Variants in NEB observed in about 807,000 individuals in gnomAD.
NEB encodes the protein nebulin, also known as nemaline myopathy type 2.
A neutral mutation model predicts 952.2 loss-of-function variants in NEB; 512 were observed. The ratio of observed to expected loss-of-function variants is 0.54; its 90% CI spans 0.50 to 0.58. The LOEUF is 0.58. Among genes scored for constraint, NEB ranks in the 20% least tolerant of loss-of-function variants. The pLI is 0.00. For synonymous variants in NEB, 2,900 were observed against 3,149.8 expected (o/e 0.92, Z 2.66); for missense variants, 8,428 against 9,231.1 (o/e 0.91, Z 3.56).
intron 3 of NEB, among the ~76,000 whole-genome samples, chr2:151,731,285 C>CT (rs778423688): frequency 6.6e-6 from 1 of 152,104 alleles, no homozygotes; most frequent in East Asian, 1.9e-4. Context: ...AAATCTCACT[C>CT]TTTTTTTAGA....
intron 29 of NEB, among the ~76,000 whole-genome samples, chr2:151,681,187 G>C (rs2099411709): frequency 6.6e-6 from 1 of 152,176 alleles, no homozygotes; most frequent in Non-Finnish European, 1.5e-5. Flanking sequence ...AAGGAGATTG[G>C]AGTGCCTTTG....
At position 151,690,759 on chromosome 2, in the gene NEB, G is replaced by GCAA; in HGVS notation, c.2275_2277dup (p.Leu759dup). 6.3e-7 allele frequency: 1 copy of GCAA among 1,598,596 alleles called. No individual in the cohort carries two copies. The highest frequency in any genetic ancestry group is 2.2e-5 in the East Asian group (1 of 44,516). ...AGCTGTTTCGTGTTGAGCTGGGCTTGCAACAGTACAGGAGAATCAGTGACT... is the reference window on the plus strand; with the variant it reads ...AGCTGTTTCGTGTTGAGCTGGGCTTGCAACAACAGTACAGGAGAATCAGTGACT... On this transcript the variant is annotated inframe_insertion, in exon 24 of 182. Coordinates refer to ENST00000397345, the MANE Select transcript of NEB (RefSeq NM_001164508.2).
In NEB at chr2:151,565,778, A is replaced by C; in HGVS notation, c.18199T>G (p.Trp6067Gly). 6.2e-7 allele frequency: 1 copy of C among 1,612,532 alleles called. No individual in the cohort carries two copies. Residue 6067 changes from tryptophan to glycine, a missense_variant, in exon 115 of 182, where the codon TGG (tryptophan) becomes GGG (glycine). Physicochemically the swap from Trp to Gly is radical, Grantham distance 184. Coordinates refer to ENST00000397345, the MANE Select transcript of NEB (RefSeq NM_001164508.2). ...ADLEWLRGIG[W>G]IPLDSVDHVR... The stretch of plus-strand genomic sequence containing the variant: ...TGGTCCACAGAATCCAGTGGGATCC[A>C]GCCAATGCCTCGGAGCCACTCCAGG...
chr2:151,519,324 C>T (rs1242388564), intron 154 of NEB, among the ~76,000 whole-genome samples: 1 of 152,162 alleles, frequency 6.6e-6, no homozygotes, highest in Non-Finnish European at 1.5e-5. Flanking sequence ...ATATATCCTA[C>T]AACATGGATG....
chr2:151,540,076 A>C (rs1335438339), intron 138 of NEB, among the ~76,000 whole-genome samples: 4 of 152,238 alleles, frequency 2.6e-5, no homozygotes, highest in Non-Finnish European at 4.4e-5. Flanking sequence ...ACTGTCAAGT[A>C]TCCCCAGAAA....
Position 151,663,699 on chromosome 2 carries a change from G to C in NEB, c.5612C>G (p.Thr1871Ser). 1 of 1,613,792 alleles carries C rather than the reference G, an allele frequency of 6.2e-7. No homozygotes were observed. The highest frequency in any genetic ancestry group is 8.5e-7 in the Non-Finnish European group (1 of 1,179,798). ...CACCACACTGAGCATGTCCACCGGG[G>C]TGTGGAAGGAGGTCTTGGATTTCTC... ...GYEKSKTSFH[T>S]PVDMLSVVAA... Residue 1871 changes from threonine to serine, a missense_variant, in exon 45 of 182, where the codon ACC becomes AGC. Around this residue, in one of 11 missense-constraint regions of NEB, gnomAD observed 2,851 missense variants for 2,791.5 expected, o/e 1.02. Transcript: ENST00000397345.
chr2:151,725,348 G>A, intron 6 of NEB, 105 bp downstream of exon 6: 1 of 866,508 alleles, frequency 1.2e-6, no homozygotes, highest in Non-Finnish European at 1.8e-6. Flanking sequence ...CTAGCTCATA[G>A]TAATTCAACT....
intron 155 of NEB, 63 bp from the exon 156 acceptor site, chr2:151,518,485 C>T (rs2079539751): frequency 9.6e-7 from 1 of 1,039,582 alleles, no homozygotes; most frequent in South Asian, 1.3e-5. Context: ...CCTATTTTTC[C>T]TCTTTAGATT....
intron 55 of NEB, among the ~76,000 whole-genome samples, chr2:151,645,816 A>C (rs1294740063): frequency 1.3e-5 from 2 of 152,162 alleles, no homozygotes; most frequent in Admixed American, 1.3e-4. Flanking sequence ...TAAGCACTGT[A>C]GATTCAATAA....
At position 151,706,092 on chromosome 2, in the gene NEB, C is replaced by G. The variant is rs1053223322; in HGVS notation, c.1152+789G>C. Among the ~76,000 whole-genome samples, 7 of 152,160 alleles carry G rather than the reference C, an allele frequency of 4.6e-5. No homozygotes were observed. In the South Asian group the frequency reaches 6.2e-4, roughly 14 times the overall value. ...AAATAAAATGTTTTTTAAAAGAAAG[C>G]AAACGTGCTTTACAGTGATTTCCCA... On this transcript the variant is annotated intron_variant, in intron 13 of 181. Transcript: ENST00000397345.
chr2:151,503,728 A>G (rs541920805), intron 165 of NEB, among the ~76,000 whole-genome samples: 24 of 152,310 alleles, frequency 1.6e-4, no homozygotes, highest in African/African-American at 5.5e-4. Flanking sequence ...GAAAAATCTA[A>G]CCATTTTGTT....
rs2099603871 is a variant in NEB at position 151,697,334 on chromosome 2, T to C, written c.1365+16A>G. On this transcript the variant is annotated intron_variant, in intron 15 of 181. Transcript: ENST00000397345. ...AAATGTTATTTGGAAAGTCAAACAA[T>C]TGTCTTAGAACTTACATCACTGTTT... The C allele has an allele frequency of 6.2e-7, 1 of 1,612,412 alleles. No individual in the cohort carries two copies. The highest frequency in any genetic ancestry group is 8.5e-7 in the Non-Finnish European group (1 of 1,178,440).
chr2:151,501,611 T>C (rs951632096), intron 167 of NEB, 128 bp from the exon 168 acceptor site: 25 of 482,120 alleles, frequency 5.2e-5, no homozygotes, highest in Middle Eastern at 6.0e-4. Context: ...TCAGTAACTT[T>C]TAAAAATAGA....
chr2:151,709,342 G>A (rs1356627708), intron 12 of NEB, among the ~76,000 whole-genome samples: 1 of 152,144 alleles, frequency 6.6e-6, no homozygotes, highest in Non-Finnish European at 1.5e-5. Context: ...AAATCAAATT[G>A]ATAAATGTAC....
At chr2:151,665,272 A>G in intron 42 of NEB, 61 bp downstream of exon 42, 2 of 1,502,358 alleles carry the variant, frequency 1.3e-6, no homozygotes, top group Non-Finnish European at 1.8e-6. Context: ...GGGCACTGCC[A>G]GGCTCAATGT....
chr2:151,502,762 A>ATTT lies in NEB; in HGVS notation c.23928+28_23928+30dup, dbSNP rs201290038. 7.7e-6 allele frequency: 8 copies of ATTT among 1,039,322 alleles called. No homozygotes were observed. The African/African-American group carries it at 1.1e-4, about 15-fold the overall frequency. The allele number at this position is 1,039,322 out of a possible 1,614,324, so 64.4% of individuals were successfully genotyped here. ...TTATTATTTTAAATAAAATTAAGGGATTTTTTTTTTTTTGGCCCCCTAAGA... is the reference window on the plus strand; with the variant it reads ...TTATTATTTTAAATAAAATTAAGGGATTTTTTTTTTTTTTTTGGCCCCCTAAGA... On this transcript the variant is annotated intron_variant, in intron 167 of 181. Coordinates refer to ENST00000397345, the MANE Select transcript of NEB (RefSeq NM_001164508.2).
chr2:151,490,375 T>G lies in NEB; in HGVS notation c.25294A>C (p.Thr8432Pro), dbSNP rs374806417. The G allele has an allele frequency of 6.3e-7, 1 of 1,588,484 alleles. No homozygotes were observed. The highest frequency in any genetic ancestry group is 1.3e-5 in the African/African-American group (1 of 74,412). ...AATCAGCGCCAGGCACTTGTACCTG[T>G]TGAGACTGCAAAGACACCCCCGTCG... ...YSDGGVFAVSTAYKHAKTTEL... is the reference protein window; with the variant it reads ...YSDGGVFAVSPAYKHAKTTEL... Residue 8432 changes from threonine to proline, a missense_variant, in exon 180 of 182, where the codon ACA (threonine) becomes CCA (proline). This residue lies in a region of NEB where 3,374 missense variants were observed against 3,651.5 expected (regional missense o/e 0.92). Coordinates refer to ENST00000397345, the MANE Select transcript of NEB (RefSeq NM_001164508.2).
intron 16 of NEB, 148 bp downstream of exon 16, chr2:151,696,999 GA>G (rs529893589): frequency 1.5e-6 from 1 of 652,106 alleles, no homozygotes; most frequent in African/African-American, 1.8e-5. Flanking sequence ...GTCAACAAGG[GA>G]AAATAGGATG....
rs2093498757 is a variant in NEB, at chr2:151,538,212, T to C, written c.20925A>G (p.Lys6975=). The C allele has an allele frequency of 4.3e-6, 7 of 1,613,020 alleles. No homozygotes were observed. The highest frequency in any genetic ancestry group is 1.7e-5 in the Admixed American group (1 of 59,996). ...CATCTTTCACCGTGTGGTATTTCCC[T>C]TTGGTCTTTTGAAATGTTTCTTTGT... ...LRYKETFQKT[K]GKYHTVKDAL... Residue 6975 remains lysine (K), a synonymous_variant, in exon 139 of 182, where the codon AAA becomes AAG. Transcript: ENST00000397345.
Sources: allele counts gnomAD v4.1 joint callset (sites outside exome capture counted in the v4.1 genomes callset), GRCh38; gene constraint gnomAD v4.1.1; regional missense constraint gnomAD v4.1.1; transcripts MANE v1.5; gene names NCBI Gene and HGNC (gene_info 2026-07-23, HGNC 2026-07-21).